SYBU: variants seen among roughly 807,000 people sequenced by gnomAD.
The protein encoded by SYBU is GOLSYN A protein.
Under a neutral mutation model 35.9 loss-of-function variants are expected in SYBU, and 21 were observed. The observed-to-expected ratio is 0.58, with a 90% CI of 0.41 to 0.84. The LOEUF is 0.84. SYBU is among the 40% of genes least tolerant of loss of function. SYBU has a pLI of 0.00. For synonymous variants in SYBU, 319 were observed against 324.3 expected, an observed-to-expected ratio of 0.98 and a Z score of 0.18; for missense variants, 768 against 848.2, an observed-to-expected ratio of 0.91 and a Z score of 1.17.
chr8:109,598,763 T>C (rs1825171784), intron 3 of SYBU, among the ~76,000 whole-genome samples: 1 of 152,256 alleles, frequency 6.6e-6, no homozygotes, highest in South Asian at 2.1e-4. Context: ...GTAGATGACC[T>C]AGTTTCTCTC....
At chr8:109,628,776 C>T (rs1406399468) in intron 2 of SYBU, among the ~76,000 whole-genome samples, 1 of 151,630 alleles carries the variant, frequency 6.6e-6, no homozygotes, top group Admixed American at 6.6e-5. Flanking sequence ...GAGCTGAGGT[C>T]GTGCCACTGC....
In SYBU at chr8:109,644,673, G is replaced by A; in HGVS notation, c.-14C>T. On this transcript the variant is annotated 5_prime_UTR_variant, in exon 1 of 7. Transcript: ENST00000276646. ...GAGGGGCCCCATCGCGCCGCTGCCC[G>A]CCGGCTCCTCGCGCCGCCGCTGCCG... is the stretch of plus-strand genomic sequence containing the variant. The A allele has an allele frequency of 1.3e-6, 2 of 1,514,752 alleles. No homozygotes were observed. Among genetic ancestry groups the A allele is most frequent in the South Asian group, 1.2e-5 (1 of 81,996 alleles). The allele number at this position is 1,514,752 out of a possible 1,614,324, so 93.8% of individuals were successfully genotyped here. A position where few individuals can be genotyped will look rare whatever the true frequency, so the allele number is the denominator to read the frequency against.
At chr8:109,683,650 T>C (rs1817455670), upstream of SYBU, among the ~76,000 whole-genome samples, 1 of 152,096 alleles carries the variant, frequency 6.6e-6, no homozygotes, top group African/African-American at 2.4e-5. Flanking sequence ...ATGATTGTGT[T>C]TTGAAATATG....
At chr8:109,618,429 G>A (rs1812059189) in intron 3 of SYBU, among the ~76,000 whole-genome samples, 1 of 152,142 alleles carries the variant, frequency 6.6e-6, no homozygotes, top group Non-Finnish European at 1.5e-5. Flanking sequence ...TTTGCATCAA[G>A]ATAACTCCCA....
At chr8:109,621,639 G>T (rs1343948728) in intron 2 of SYBU, among the ~76,000 whole-genome samples, 1 of 152,160 alleles carries the variant, frequency 6.6e-6, no homozygotes, top group Non-Finnish European at 1.5e-5. Flanking sequence ...TTGTACCCAG[G>T]CCCCACCCTG....
intron 3 of SYBU, among the ~76,000 whole-genome samples, chr8:109,612,280 A>C (rs935958076): frequency 1.3e-5 from 2 of 152,212 alleles, no homozygotes; most frequent in African/African-American, 4.8e-5. Flanking sequence ...TCGTTTAAAA[A>C]AACTAATCAA....
chr8:109,628,997 G>A (rs1420497632), intron 2 of SYBU, among the ~76,000 whole-genome samples: 2 of 152,130 alleles, frequency 1.3e-5, no homozygotes, highest in South Asian at 2.1e-4. Flanking sequence ...CAAAAGGCAG[G>A]AAAAACAAGG....
chr8:109,637,685 T>C (rs1814380890), intron 2 of SYBU, among the ~76,000 whole-genome samples: 1 of 152,202 alleles, frequency 6.6e-6, no homozygotes. Flanking sequence ...CTAATCATTA[T>C]GTTCAAAGCT....
At chr8:109,648,752 T>A (rs921750581), upstream of SYBU, 2 of 151,266 alleles carry the variant, frequency 1.3e-5, no homozygotes, top group African/African-American at 4.9e-5. Context: ...CCTAATCCTA[T>A]CAGCTGTGTG....
At chr8:109,624,102 A>G (rs532999203) in intron 2 of SYBU, among the ~76,000 whole-genome samples, 37 of 152,330 alleles carry the variant, frequency 2.4e-4, no homozygotes, top group Admixed American at 5.9e-4. Context: ...TTGGTCAACA[A>G]TGAAATAATT....
At chr8:109,643,969 C>T (rs1390781763) in intron 1 of SYBU, 2 of 375,554 alleles carry the variant, frequency 5.3e-6, no homozygotes, top group African/African-American at 4.2e-5. Flanking sequence ...TTCCTCCAAC[C>T]TCTGCCACTG....
chr8:109,669,070 T>C (rs1375006299), intron 1 of SYBU, among the ~76,000 whole-genome samples: 3 of 152,022 alleles, frequency 2.0e-5, no homozygotes, highest in Non-Finnish European at 2.9e-5. Context: ...CGGCTGGGCG[T>C]GGTGGCTCAC....
intron 1 of SYBU, among the ~76,000 whole-genome samples, chr8:109,662,865 C>A (rs889701514): frequency 6.6e-6 from 1 of 152,146 alleles, no homozygotes; most frequent in Non-Finnish European, 1.5e-5. Flanking sequence ...TTATTCCCAA[C>A]CAGATCATGA....
chr8:109,594,490 G>C (rs2129911169), intron 3 of SYBU, among the ~76,000 whole-genome samples: 1 of 152,046 alleles, frequency 6.6e-6, no homozygotes, highest in East Asian at 1.9e-4. Context: ...CATCCAATGG[G>C]GCCCTAAAAT....
intron 2 of SYBU, among the ~76,000 whole-genome samples, chr8:109,623,459 C>T (rs1399299439): frequency 6.6e-6 from 1 of 152,098 alleles, no homozygotes; most frequent in Admixed American, 6.5e-5. Context: ...TGTGGGCTAT[C>T]TAAAGTACTG....
At chr8:109,596,111 C>T (rs752231473) in intron 3 of SYBU, among the ~76,000 whole-genome samples, 5 of 152,230 alleles carry the variant, frequency 3.3e-5, no homozygotes, top group African/African-American at 9.6e-5. Context: ...AACCTGCTGA[C>T]GTGTGAGGTG....
chr8:109,585,779 G>A (rs1293431656), intron 4 of SYBU: 2 of 438,768 alleles, frequency 4.6e-6, no homozygotes, highest in Non-Finnish European at 8.3e-6. Flanking sequence ...GAGTACACAG[G>A]TGAGTAAGGG....
At chr8:109,599,626 G>C (rs1456496855) in intron 3 of SYBU, among the ~76,000 whole-genome samples, 3 of 152,084 alleles carry the variant, frequency 2.0e-5, no homozygotes, top group Non-Finnish European at 4.4e-5. Flanking sequence ...TCCACCTGAG[G>C]CCATCATCAT....
At chr8:109,609,072 G>A (rs147867265) in intron 3 of SYBU, among the ~76,000 whole-genome samples, 5 of 152,280 alleles carry the variant, frequency 3.3e-5, no homozygotes, top group African/African-American at 1.2e-4. Flanking sequence ...GACCCGTGCT[G>A]CTCTGCAGGT....
Sources: allele counts gnomAD v4.1 joint callset (sites outside exome capture counted in the v4.1 genomes callset), GRCh38; gene constraint gnomAD v4.1.1; transcripts MANE v1.5; gene names NCBI Gene and HGNC (gene_info 2026-07-23, HGNC 2026-07-21).